Variants in TULP4 observed in about 807,000 individuals in gnomAD.
The protein encoded by TULP4 is tubby-related protein 4.
A neutral mutation model predicts 129.0 loss-of-function variants in TULP4; 16 were observed. That is an observed-to-expected ratio of 0.12 (90% confidence interval 0.08 to 0.19). The LOEUF (loss-of-function observed/expected upper bound fraction) is 0.19. TULP4 is among the 10% of genes least tolerant of loss of function. The pLI, the probability that TULP4 is intolerant of heterozygous loss-of-function variation, is 1.00. For synonymous variants in TULP4, 998 were observed against 854.0 expected, an observed-to-expected ratio of 1.17 and a Z score of -2.94; for missense variants, 1,842 against 2,059.1, an observed-to-expected ratio of 0.89 and a Z score of 2.04.
intron 1 of TULP4, among the ~76,000 whole-genome samples, chr6:158,236,677 TTC>T (rs1201547601): frequency 6.6e-6 from 1 of 152,122 alleles, no homozygotes; most frequent in Non-Finnish European, 1.5e-5. Flanking sequence ...TAGAAGTAGT[TTC>T]TGTTTAAATC....
chr6:158,338,324 A>G (rs1780092834), intron 1 of TULP4, among the ~76,000 whole-genome samples: 1 of 152,208 alleles, frequency 6.6e-6, no homozygotes, highest in Non-Finnish European at 1.5e-5. Context: ...CCCAGCCCAA[A>G]TTATACTTTA....
chr6:158,410,212 A>C (rs1195238343), intron 1 of TULP4, among the ~76,000 whole-genome samples: 1 of 152,244 alleles, frequency 6.6e-6, no homozygotes, highest in Non-Finnish European at 1.5e-5. Flanking sequence ...TTTATCCAAC[A>C]ATGGCAACTG....
intron 3 of TULP4, among the ~76,000 whole-genome samples, chr6:158,437,040 C>G (rs368612389): frequency 6.6e-6 from 1 of 152,304 alleles, no homozygotes. Context: ...AGCAGCTAAG[C>G]ACTGTCAGAT....
intron 1 of TULP4, among the ~76,000 whole-genome samples, chr6:158,390,711 A>G (rs1054832049): frequency 6.6e-6 from 1 of 152,122 alleles, no homozygotes; most frequent in Admixed American, 6.6e-5. Context: ...GGAGAAAAGC[A>G]CTCTTCAGTG....
chr6:158,296,677 G>C (rs370550558), intron 1 of TULP4, among the ~76,000 whole-genome samples: 4 of 150,830 alleles, frequency 2.7e-5, no homozygotes, highest in African/African-American at 9.7e-5. Context: ...AGTGTCAGCC[G>C]GTCTGAGAAA....
chr6:158,460,440 T>C (rs1779397969), intron 5 of TULP4, among the ~76,000 whole-genome samples: 1 of 140,578 alleles, frequency 7.1e-6, no homozygotes, highest in African/African-American at 2.9e-5. Flanking sequence ...ATTACGATTT[T>C]AGGGTCTTGA....
intron 1 of TULP4, among the ~76,000 whole-genome samples, chr6:158,317,549 C>G (rs1779519690): frequency 6.6e-6 from 1 of 152,092 alleles, no homozygotes; most frequent in African/African-American, 2.4e-5. Context: ...GCCACATTTT[C>G]TTAATCCAGT....
At chr6:158,372,186 A>G (rs1482187744) in intron 1 of TULP4, among the ~76,000 whole-genome samples, 1 of 91,486 alleles carries the variant, frequency 1.1e-5, no homozygotes, top group African/African-American at 3.8e-5. Flanking sequence ...TTTTTAAAGA[A>G]AAAGCTATTT....
intron 1 of TULP4, among the ~76,000 whole-genome samples, chr6:158,351,163 T>C (rs1780509031): frequency 1.3e-5 from 2 of 152,212 alleles, no homozygotes; most frequent in Non-Finnish European, 2.9e-5. Context: ...TCCTGAGTTA[T>C]ACAGTACTGA....
At chr6:158,472,635 C>G (rs769980561) in intron 6 of TULP4, among the ~76,000 whole-genome samples, 1 of 152,014 alleles carries the variant, frequency 6.6e-6, no homozygotes, top group Non-Finnish European at 1.5e-5. Context: ...GGAAGTTAGG[C>G]GATTTATTGG....
chr6:158,416,735 C>T (rs1369037728), intron 2 of TULP4, among the ~76,000 whole-genome samples: 1 of 152,330 alleles, frequency 6.6e-6, no homozygotes, highest in Non-Finnish European at 1.5e-5. Flanking sequence ...CCTAGGCCTT[C>T]AGTCACTCTC....
chr6:158,470,921 T>G (rs675053), intron 6 of TULP4, among the ~76,000 whole-genome samples: 63,510 of 151,996 alleles, frequency 0.42, 14,571 homozygotes, highest in African/African-American at 0.62. Flanking sequence ...CTGTTTTGAC[T>G]GGGTTTGAGG....
chr6:158,339,788 A>G (rs1780137474), intron 1 of TULP4, among the ~76,000 whole-genome samples: 1 of 152,132 alleles, frequency 6.6e-6, no homozygotes, highest in South Asian at 2.1e-4. Flanking sequence ...TATTGTTCAA[A>G]CACACATGCT....
intron 9 of TULP4, among the ~76,000 whole-genome samples, chr6:158,491,617 C>A (rs1211470696): frequency 1.3e-5 from 2 of 149,162 alleles, no homozygotes; most frequent in Non-Finnish European, 3.0e-5. Context: ...CTCAGCCTCC[C>A]GAGTAGCTGG....
intron 2 of TULP4, among the ~76,000 whole-genome samples, chr6:158,415,346 CT>C (rs1778182981): frequency 2.1e-5 from 3 of 141,056 alleles, no homozygotes; most frequent in Non-Finnish European, 4.7e-5. Flanking sequence ...ATAGAGTGTG[CT>C]TCTTTTTTTT....
chr6:158,239,067 CA>C (rs1777790779), intron 1 of TULP4, among the ~76,000 whole-genome samples: 1 of 107,764 alleles, frequency 9.3e-6, no homozygotes, highest in East Asian at 3.9e-4. Flanking sequence ...CTGACCCCCC[CA>C]CCTCCCTCCC....
At position 158,380,318 on chromosome 6, in the gene TULP4, A is replaced by T. The variant is rs144620350; in HGVS notation, c.253-32747A>T. ...GTACAGTTCCCTTTGCTTTGGCAAT[A>T]ACGTATTATGCTGAATCAATGTTTC... On this transcript the variant is annotated intron_variant, in intron 1 of 13. Coordinates refer to ENST00000367097, the MANE Select transcript of TULP4 (RefSeq NM_020245.5). Among the ~76,000 whole-genome samples the T allele has an allele frequency of 5.3e-4, 80 of 152,304 alleles. 2 individuals are homozygous for T. The East Asian group carries it at 0.015, about 29-fold the overall frequency.
At chr6:158,399,782 A>G (rs1379468664) in intron 1 of TULP4, among the ~76,000 whole-genome samples, 1 of 152,256 alleles carries the variant, frequency 6.6e-6, no homozygotes, top group Non-Finnish European at 1.5e-5. Flanking sequence ...TTCCGCAGCC[A>G]GAATTCATAC....
intron 1 of TULP4, among the ~76,000 whole-genome samples, chr6:158,333,550 GTTC>G (rs1350266633): frequency 1.3e-5 from 2 of 152,202 alleles, no homozygotes; most frequent in African/African-American, 4.8e-5. Flanking sequence ...TTTGCTTGCA[GTTC>G]TTCTTCACCT....
Sources: allele counts gnomAD v4.1 joint callset (sites outside exome capture counted in the v4.1 genomes callset), GRCh38; gene constraint gnomAD v4.1.1; transcripts MANE v1.5; gene names NCBI Gene and HGNC (gene_info 2026-07-23, HGNC 2026-07-21).